The following TRAPPC12 variants were observed in gnomAD, a reference collection of about 807,000 sequenced individuals.
The protein encoded by TRAPPC12 is trafficking protein particle complex subunit 12.
A neutral mutation model predicts 69.2 loss-of-function variants in TRAPPC12; 61 were observed. That is an observed-to-expected ratio of 0.88 (90% CI 0.72 to 1.09). TRAPPC12 has a LOEUF of 1.09. Ranked by LOEUF, TRAPPC12 falls within the 50% of genes least tolerant of loss-of-function variation. TRAPPC12 has a pLI of 0.00. For synonymous variants in TRAPPC12, 469 were observed against 438.9 expected, an observed-to-expected ratio of 1.07 and a Z score of -0.86; for missense variants, 1,101 against 1,016.4, an observed-to-expected ratio of 1.08 and a Z score of -1.13.
chr2:3,457,922 G>A (rs1240844867), intron 7 of TRAPPC12: 6 of 1,405,476 alleles, frequency 4.3e-6, no homozygotes, highest in Non-Finnish European at 3.7e-6. Context: ...CCGGGGAGAA[G>A]ACACGCCTTC....
intron 9 of TRAPPC12, among the ~76,000 whole-genome samples, chr2:3,476,758 G>T (rs1283051558): frequency 6.6e-6 from 1 of 152,176 alleles, no homozygotes; most frequent in Admixed American, 6.5e-5. Flanking sequence ...ATAGTGATGG[G>T]TGCCCCAGCC....
At chr2:3,387,500 A>G (rs1200554604) in intron 1 of TRAPPC12, 120 bp from the exon 2 acceptor site, 9 of 844,512 alleles carry the variant, frequency 1.1e-5, no homozygotes, top group African/African-American at 5.2e-5. Flanking sequence ...TCAAAAGCAC[A>G]TGGATAAGAA....
chr2:3,432,001 T>C (rs1663468737), intron 5 of TRAPPC12, among the ~76,000 whole-genome samples: 2 of 152,240 alleles, frequency 1.3e-5, no homozygotes, highest in Admixed American at 6.5e-5. Context: ...AGTGAGCATG[T>C]AAACTTTCAT....
intron 3 of TRAPPC12, among the ~76,000 whole-genome samples, chr2:3,411,066 C>T (rs1431049571): frequency 6.6e-6 from 1 of 152,158 alleles, no homozygotes; most frequent in Admixed American, 6.5e-5. Flanking sequence ...AAATTGAGTT[C>T]ACTGGGCTTT....
At chr2:3,412,746 C>G (rs1487337965) in intron 3 of TRAPPC12, among the ~76,000 whole-genome samples, 1 of 152,176 alleles carries the variant, frequency 6.6e-6, no homozygotes, top group African/African-American at 2.4e-5. Context: ...CAGCTGAAGA[C>G]TGGGCCATCA....
chr2:3,409,382 T>C (rs1661912412), intron 3 of TRAPPC12, among the ~76,000 whole-genome samples: 1 of 152,224 alleles, frequency 6.6e-6, no homozygotes, highest in Non-Finnish European at 1.5e-5. Context: ...TGGGAAAGTA[T>C]AAATTGTAAA....
At chr2:3,461,743 C>A (rs1222480222) in intron 8 of TRAPPC12, among the ~76,000 whole-genome samples, 2 of 151,822 alleles carry the variant, frequency 1.3e-5, no homozygotes, top group African/African-American at 4.8e-5. Flanking sequence ...GCCCCCTTCC[C>A]TTCTCCAGCC....
At chr2:3,388,705 C>T (rs745980832) in intron 2 of TRAPPC12, 35 bp downstream of exon 2, 15 of 1,492,860 alleles carry the variant, frequency 1.0e-5, no homozygotes, top group Non-Finnish European at 1.3e-5. Flanking sequence ...CAGCCCGTGC[C>T]TCCTCTCTGC....
Position 3,443,747 on chromosome 2 carries a change from A to G in TRAPPC12, c.1418-32A>G, listed in dbSNP as rs1400610046. The G allele has an allele frequency of 5.0e-6, 8 of 1,587,676 alleles. No homozygotes were observed. In the South Asian group the frequency reaches 8.8e-5, roughly 18 times the overall value. On this transcript the variant is annotated intron_variant, in intron 5 of 11. Transcript: ENST00000324266. ...TATGAATGCGTGCTCAGTTATGGCA[A>G]ACAAACTCACTCAGCACTGATTGGA... is the stretch of plus-strand genomic sequence containing the variant.
At chr2:3,448,665 A>ACT (rs1664665915) in intron 6 of TRAPPC12, among the ~76,000 whole-genome samples, 17 of 145,686 alleles carry the variant, frequency 1.2e-4, no homozygotes, top group East Asian at 1.0e-3. Context: ...GCAGCCGGTT[A>ACT]CGCGAGGGTA....
intron 3 of TRAPPC12, among the ~76,000 whole-genome samples, chr2:3,421,499 TTGA>T (rs1420438852): frequency 6.6e-6 from 1 of 152,274 alleles, no homozygotes; most frequent in Non-Finnish European, 1.5e-5. Flanking sequence ...AATTTCCTTA[TTGA>T]TTTTAAATTG....
At chr2:3,440,709 G>A (rs1664152816) in intron 5 of TRAPPC12, among the ~76,000 whole-genome samples, 1 of 152,186 alleles carries the variant, frequency 6.6e-6, no homozygotes, top group Non-Finnish European at 1.5e-5. Flanking sequence ...CAGTAGAAGA[G>A]ATAAGAGGGA....
intron 11 of TRAPPC12, 49 bp downstream of exon 11, chr2:3,478,982 G>A (rs73133101): frequency 1.2e-5 from 19 of 1,579,940 alleles, no homozygotes; most frequent in African/African-American, 8.1e-5. Context: ...TTTCACAGAC[G>A]CTAGAAACAT....
intron 3 of TRAPPC12, among the ~76,000 whole-genome samples, chr2:3,417,140 A>G (rs1365168655): frequency 6.6e-6 from 1 of 151,932 alleles, no homozygotes; most frequent in African/African-American, 2.4e-5. Context: ...CTGTTCCACC[A>G]TCTTGTCATT....
chr2:3,469,357 T>TA (rs1396759935), intron 9 of TRAPPC12, among the ~76,000 whole-genome samples: 1 of 152,166 alleles, frequency 6.6e-6, no homozygotes, highest in Non-Finnish European at 1.5e-5. Context: ...TCATAAGAAA[T>TA]ACGTATATTA....
At chr2:3,449,742 C>T (rs1010993066) in intron 6 of TRAPPC12, among the ~76,000 whole-genome samples, 6 of 152,140 alleles carry the variant, frequency 3.9e-5, no homozygotes, top group East Asian at 1.9e-4. Flanking sequence ...CCTGGCCACC[C>T]GCACACCGAC....
At chr2:3,478,267 G>T (rs1466098422) in intron 10 of TRAPPC12, among the ~76,000 whole-genome samples, 1 of 152,258 alleles carries the variant, frequency 6.6e-6, no homozygotes, top group African/African-American at 2.4e-5. Context: ...ATCAGAAAGC[G>T]TAAATAAAGC....
At chr2:3,466,726 G>A (rs1665830936) in intron 9 of TRAPPC12, among the ~76,000 whole-genome samples, 2 of 152,174 alleles carry the variant, frequency 1.3e-5, no homozygotes, top group African/African-American at 4.8e-5. Context: ...GGGCCCCTGT[G>A]GTGGGGCACA....
chr2:3,436,689 C>T (rs1215050685), intron 5 of TRAPPC12, among the ~76,000 whole-genome samples: 6 of 151,792 alleles, frequency 4.0e-5, no homozygotes, highest in African/African-American at 7.3e-5. Context: ...ACTGTCATGC[C>T]GAATAGTTTC....
Sources: gnomAD v4.1 joint callset for allele counts (sites outside exome capture counted in the v4.1 genomes callset) on GRCh38, gnomAD v4.1.1 for gene constraint, MANE v1.5 for transcripts, NCBI Gene and HGNC (gene_info 2026-07-23, HGNC 2026-07-21) for gene names.